Variants in SLC6A20 observed in about 807,000 individuals in gnomAD.
SLC6A20 encodes the protein solute carrier family 6 member 20.
In SLC6A20, 73 loss-of-function variants were observed where a neutral mutation model predicts 64.3. That is an observed-to-expected ratio of 1.14 (90% CI 0.94 to 1.38). The LOEUF is 1.38. Among genes scored for constraint, SLC6A20 ranks in the 40% most tolerant of loss-of-function variants. The pLI is 0.00. For missense variants in SLC6A20, 725 were observed against 772.8 expected (o/e 0.94, Z 0.73); for synonymous variants, 347 against 329.6 (o/e 1.05, Z -0.57).
At chr3:45,776,630 C>G (rs1412925796) in intron 3 of SLC6A20, among the ~76,000 whole-genome samples, 3 of 152,164 alleles carry the variant, frequency 2.0e-5, no homozygotes, top group African/African-American at 7.2e-5. Flanking sequence ...AACCTCATCT[C>G]CTGCTAGCTT....
At chr3:45,781,233 A>AT (rs1700080386) in intron 2 of SLC6A20, among the ~76,000 whole-genome samples, 2 of 152,136 alleles carry the variant, frequency 1.3e-5, no homozygotes, top group South Asian at 4.2e-4. Context: ...AAAAAAAAAA[A>AT]AATTAATAGC....
At chr3:45,772,370 C>A in intron 5 of SLC6A20, 135 bp downstream of exon 5, 1 of 700,796 alleles carries the variant, frequency 1.4e-6, no homozygotes, top group African/African-American at 1.8e-5. Context: ...ACTCCTGCCA[C>A]ACCCTGGTGG....
rs758747756 is a variant in SLC6A20 at position 45,770,276 on chromosome 3, T to G, written c.1031A>C (p.Tyr344Ser). 6.2e-6 allele frequency: 10 copies of G among 1,614,200 alleles called. No individual in the cohort carries two copies. In the Admixed American group the frequency reaches 1.5e-4, roughly 24 times the overall value. ...EQVKGYLASA[Y>S]PSKYSEMFPQ... The stretch of plus-strand genomic sequence containing the variant: ...GAACATCTCGCTGTATTTGCTTGGG[T>G]AGGCAGATGCGAGGTAGCCCTTCAC... Residue 344 changes from tyrosine to serine, a missense_variant, in exon 7 of 11, where the codon TAC (tyrosine) becomes TCC (serine). By Grantham distance (144) the Tyr-to-Ser change is moderately radical (BLOSUM62 -2). Transcript: ENST00000358525.
rs200421773 is a variant in SLC6A20 at position 45,765,786 on chromosome 3, T to C, written c.1099-45A>G. 15 of 1,607,328 alleles carry C rather than the reference T, an allele frequency of 9.3e-6. No homozygotes were observed. Among genetic ancestry groups the C allele is most frequent in the East Asian group, 4.5e-5 (2 of 44,870 alleles). On this transcript the variant is annotated intron_variant, in intron 7 of 10. Transcript: ENST00000358525. This position sits in a 1 kb window ranked among gnomAD's most constrained non-coding sequence, Gnocchi z 4.2. ...ACCAGTTACATGCAAGAGGGACTTA[T>C]AGTCTTATTCACGCACTCAGTACTA...
chr3:45,785,801 G>A (rs922603411), intron 1 of SLC6A20, among the ~76,000 whole-genome samples: 1 of 152,182 alleles, frequency 6.6e-6, no homozygotes, highest in Non-Finnish European at 1.5e-5. Flanking sequence ...GTGAGGCTGG[G>A]CTGGCCTTGG....
rs371812048 is a variant in SLC6A20, at chr3:45,765,233, A to G, written c.1303+304T>C. On this transcript the variant is annotated intron_variant, in intron 8 of 10. Coordinates refer to ENST00000358525, the MANE Select transcript of SLC6A20 (RefSeq NM_020208.4). The surrounding 1 kb of genome is among the most constrained non-coding windows in gnomAD (Gnocchi z 4.2). Reference sequence around the variant, plus strand: ...GTCTGAAATATATATAATATACTTCAATGAAAATGAACAGAAACAAAATCG... The same window carrying G: ...GTCTGAAATATATATAATATACTTCGATGAAAATGAACAGAAACAAAATCG... Among the ~76,000 whole-genome samples the G allele has an allele frequency of 6.6e-5, 10 of 152,284 alleles. No individual in the cohort carries two copies. The East Asian group carries it at 1.7e-3, about 26-fold the overall frequency.
chr3:45,762,404 T>C (rs1699699830), intron 9 of SLC6A20, among the ~76,000 whole-genome samples: 1 of 152,242 alleles, frequency 6.6e-6, no homozygotes, highest in Admixed American at 6.5e-5. Flanking sequence ...AAGGTTGCTC[T>C]AGACCAGTGG....
At chr3:45,766,411 G>C (rs186253736) in intron 7 of SLC6A20, among the ~76,000 whole-genome samples, 80 of 152,308 alleles carry the variant, frequency 5.3e-4, no homozygotes, top group African/African-American at 1.8e-3. Context: ...TGAGCAAAGT[G>C]CTCATAAACA....
In SLC6A20 at chr3:45,770,240, T is replaced by C. The variant is rs1359905244; in HGVS notation, c.1067A>G (p.Lys356Arg). Reference protein sequence around the residue: ...SKYSEMFPQIKNCSLESELDT... With the variant: ...SKYSEMFPQIRNCSLESELDT... The stretch of plus-strand genomic sequence containing the variant: ...TAGCTCCGATTCCAAGCTGCAGTTT[T>C]TGATTTGCGGGAACATCTCGCTGTA... Residue 356 changes from lysine (K) to arginine (R), a missense_variant, in exon 7 of 11, where the codon AAA (lysine) becomes AGA (arginine). Lys to Arg is a conservative substitution (Grantham distance 26, BLOSUM62 2). Coordinates refer to ENST00000358525, the MANE Select transcript of SLC6A20 (RefSeq NM_020208.4). 1 of 1,614,216 alleles carries C rather than the reference T, an allele frequency of 6.2e-7. No individual in the cohort carries two copies.
chr3:45,777,343 A>G (rs1699986501), intron 3 of SLC6A20, among the ~76,000 whole-genome samples: 1 of 152,044 alleles, frequency 6.6e-6, no homozygotes, highest in South Asian at 2.1e-4. Flanking sequence ...AGGCCACCCT[A>G]GCCTATTGGA....
chr3:45,775,988 C>A lies in SLC6A20; in HGVS notation c.355G>T (p.Asp119Tyr). The A allele has an allele frequency of 6.2e-7, 1 of 1,613,986 alleles. No individual in the cohort carries two copies. The highest frequency in any genetic ancestry group is 2.2e-5 in the East Asian group (1 of 44,880). ...AFWYLFHSFQ[D>Y]PLPWSVCPLN... The stretch of plus-strand genomic sequence containing the variant: ...GGGCAGACAGACCACGGCAGGGGAT[C>A]CTGTGGGACCAAAGCAAGTGTTATC... Residue 119 changes from aspartate to tyrosine, a missense_variant and splice_region_variant, in exon 4 of 11, where the codon GAT becomes TAT. Coordinates refer to ENST00000358525, the MANE Select transcript of SLC6A20 (RefSeq NM_020208.4).
intron 3 of SLC6A20, among the ~76,000 whole-genome samples, chr3:45,776,244 G>A (rs1699967214): frequency 6.6e-6 from 1 of 152,062 alleles, no homozygotes; most frequent in South Asian, 2.1e-4. Flanking sequence ...GAGGACTACT[G>A]AACTCTGTGG....
chr3:45,796,098 T>C (rs1700340517), intron 1 of SLC6A20, among the ~76,000 whole-genome samples: 1 of 152,034 alleles, frequency 6.6e-6, no homozygotes, highest in African/African-American at 2.4e-5. Context: ...TCCCGAGGGC[T>C]TGGGAGGGCG....
At chr3:45,794,388 G>C (rs764895505) in intron 1 of SLC6A20, among the ~76,000 whole-genome samples, 1 of 151,940 alleles carries the variant, frequency 6.6e-6, no homozygotes, top group Non-Finnish European at 1.5e-5. Flanking sequence ...GTGGCTGACA[G>C]GGTGCCATCC....
rs146575685 is a variant in SLC6A20, at chr3:45,762,929, C to G, written c.1447G>C (p.Val483Leu). The change falls in exon 9 of 11, where the codon GTG becomes CTG. Residue 483 changes from valine to leucine, a missense_variant. Coordinates refer to ENST00000358525, the MANE Select transcript of SLC6A20 (RefSeq NM_020208.4). ...VLVETIAVCY[V>L]YGLRRFESDL... ...CCTCCTCACCTCCTCAGCCCGTACACGTAGCACACGGCAATCGTCTCCACC... is the reference window on the plus strand; with the variant it reads ...CCTCCTCACCTCCTCAGCCCGTACAGGTAGCACACGGCAATCGTCTCCACC... The G allele has an allele frequency of 3.1e-6, 5 of 1,614,154 alleles. No homozygotes were observed. Among genetic ancestry groups the G allele is most frequent in the Middle Eastern group, 1.6e-4 (1 of 6,062 alleles).
At chr3:45,780,838 T>C (rs1700072554) in intron 2 of SLC6A20, among the ~76,000 whole-genome samples, 1 of 152,202 alleles carries the variant, frequency 6.6e-6, no homozygotes, top group East Asian at 1.9e-4. Flanking sequence ...CATCCGCAAA[T>C]GCTATAAACC....
chr3:45,760,695 A>T (rs1439164446), intron 9 of SLC6A20, among the ~76,000 whole-genome samples: 1 of 152,228 alleles, frequency 6.6e-6, no homozygotes, highest in Non-Finnish European at 1.5e-5. Context: ...GGTTAGCAGC[A>T]GCACAACAGC....
At chr3:45,760,349 C>G (rs1271318031) in intron 9 of SLC6A20, among the ~76,000 whole-genome samples, 2 of 152,208 alleles carry the variant, frequency 1.3e-5, no homozygotes, top group African/African-American at 4.8e-5. Context: ...TGGGCACAGG[C>G]AGCAGGGGAT....
Position 45,780,001 on chromosome 3 carries a change from C to CG in SLC6A20, c.354+7dup, listed in dbSNP as rs765406327. The CG allele has an allele frequency of 2.4e-5, 38 of 1,594,508 alleles. No individual in the cohort carries two copies. In the Middle Eastern group the frequency reaches 1.2e-3, roughly 48 times the overall value. ...TACTCCTGTTCTGGCACGGGCCCCC[C>CG]GGCTCACCTGGAAGGAGTGGAAGAG... is the stretch of plus-strand genomic sequence containing the variant. On this transcript the variant is annotated splice_region_variant and intron_variant, in intron 3 of 10. Transcript: ENST00000358525.
Sources: gnomAD v4.1 joint callset for allele counts (sites outside exome capture counted in the v4.1 genomes callset) on GRCh38, gnomAD v4.1.1 for gene constraint, Gnocchi (gnomAD v3.1) non-coding constraint, MANE v1.5 for transcripts, NCBI Gene and HGNC (gene_info 2026-07-23, HGNC 2026-07-21) for gene names.